ACAD9: variants seen among roughly 807,000 people sequenced by gnomAD.
ACAD9 encodes acyl-CoA dehydrogenase family member 9.
In ACAD9, 53 loss-of-function variants were observed where a neutral mutation model predicts 70.2. The observed-to-expected ratio is 0.75, with a 90% CI of 0.61 to 0.95. ACAD9 has a LOEUF of 0.95. Among genes scored for constraint, ACAD9 ranks in the 40% least tolerant of loss-of-function variants. The pLI, the probability that ACAD9 is intolerant of heterozygous loss-of-function variation, is 0.00. For synonymous variants in ACAD9, 313 were observed against 312.1 expected, an observed-to-expected ratio of 1.00 and a Z score of -0.03; for missense variants, 777 against 802.8, an observed-to-expected ratio of 0.97 and a Z score of 0.39.
chr3:128,909,273 A>G (rs965881373), intron 14 of ACAD9, 71 bp from the exon 15 acceptor site: 49 of 1,161,878 alleles, frequency 4.2e-5, no homozygotes, highest in Middle Eastern at 4.0e-4. Flanking sequence ...TCTGCCTGGT[A>G]CCCGGGCTGT....
At chr3:128,907,354 C>A (rs1935923984) in intron 12 of ACAD9, among the ~76,000 whole-genome samples, 2 of 152,180 alleles carry the variant, frequency 1.3e-5, no homozygotes, top group South Asian at 4.1e-4. Flanking sequence ...TGCAAAGGGT[C>A]TTCTCCAAAG....
At chr3:128,899,899 T>C (rs918857043) in intron 7 of ACAD9, among the ~76,000 whole-genome samples, 56 of 152,258 alleles carry the variant, frequency 3.7e-4, no homozygotes, top group African/African-American at 1.3e-3. Context: ...GAGCAGATCA[T>C]AAGCACCTAA....
intron 2 of ACAD9, among the ~76,000 whole-genome samples, chr3:128,890,890 G>A (rs1935401928): frequency 3.4e-5 from 5 of 147,698 alleles, no homozygotes; most frequent in Admixed American, 2.7e-4. Context: ...CACCCAGGCT[G>A]AAGTGCAGTG....
At chr3:128,911,045 GTGTATGTA>G (rs531719665) in intron 17 of ACAD9, among the ~76,000 whole-genome samples, 7 of 152,164 alleles carry the variant, frequency 4.6e-5, no homozygotes, top group African/African-American at 4.8e-5. Context: ...ATGTGTGTGT[GTGTATGTA>G]TGTATGTATG....
rs758199671 is a variant in ACAD9 at position 128,912,690 on chromosome 3, G to C, written c.*83G>C. Reference sequence around the variant, plus strand: ...GACTGTTACTCTTTTTTCAGAAGGTGTTGGGATTATCACAGGTTAAGCCTT... The same window carrying C: ...GACTGTTACTCTTTTTTCAGAAGGTCTTGGGATTATCACAGGTTAAGCCTT... On this transcript the variant is annotated 3_prime_UTR_variant, in exon 18 of 18. Transcript: ENST00000308982. 4 of 1,256,366 alleles carry C rather than the reference G, an allele frequency of 3.2e-6. No individual in the cohort carries two copies. The highest frequency in any genetic ancestry group is 4.7e-6 in the Non-Finnish European group (4 of 856,702). 77.8% of individuals were successfully genotyped at this position (1,256,366 alleles called of 1,614,324 possible).
At chr3:128,898,917 T>C (rs1168703705) in intron 6 of ACAD9, among the ~76,000 whole-genome samples, 1 of 152,244 alleles carries the variant, frequency 6.6e-6, no homozygotes, top group Non-Finnish European at 1.5e-5. Context: ...ATAAATGTTG[T>C]GTGTATTTAC....
At position 128,908,220 on chromosome 3, in the gene ACAD9, G is replaced by A; in HGVS notation, c.1314G>A (p.Leu438=). The A allele has an allele frequency of 1.2e-6, 2 of 1,614,170 alleles. No homozygotes were observed. The highest frequency in any genetic ancestry group is 1.7e-6 in the Non-Finnish European group (2 of 1,180,028). Residue 438 remains leucine, a synonymous_variant, in exon 13 of 18, where the codon CTG becomes CTA. Coordinates refer to ENST00000308982, the MANE Select transcript of ACAD9 (RefSeq NM_014049.5). ...AGATTCTCCGGATGTACATCGCCCT[G>A]ACGGGTCTGCAGCATGCCGGCCGCA... The part of the protein sequence containing the change: ...TNEILRMYIA[L]TGLQHAGRIL...
chr3:128,881,372 A>G (rs1227200887), intron 1 of ACAD9, among the ~76,000 whole-genome samples: 1 of 152,206 alleles, frequency 6.6e-6, no homozygotes, highest in Non-Finnish European at 1.5e-5. Flanking sequence ...TCCACTGGGA[A>G]AATCCATGCA....
chr3:128,884,334 C>A (rs1373659007), intron 1 of ACAD9, among the ~76,000 whole-genome samples: 3 of 152,082 alleles, frequency 2.0e-5, no homozygotes, highest in Non-Finnish European at 4.4e-5. Context: ...AGGACCAGAC[C>A]CCCAGGCTTC....
In ACAD9 at chr3:128,908,182, C is replaced by T. The variant is rs766939962; in HGVS notation, c.1279-3C>T. The T allele has an allele frequency of 1.2e-6, 2 of 1,614,104 alleles. No individual in the cohort carries two copies. The highest frequency in any genetic ancestry group is 1.7e-6 in the Non-Finnish European group (2 of 1,180,006). ...CCTTTGACCTCTACACTACTGACCACAGGGAACCAATGAGATTCTCCGGAT... is the reference window on the plus strand; with the variant it reads ...CCTTTGACCTCTACACTACTGACCATAGGGAACCAATGAGATTCTCCGGAT... On this transcript the variant is annotated splice_polypyrimidine_tract_variant and splice_region_variant and intron_variant, in intron 12 of 17. Coordinates refer to ENST00000308982, the MANE Select transcript of ACAD9 (RefSeq NM_014049.5).
chr3:128,894,567 CT>C (rs1366423640), intron 3 of ACAD9, among the ~76,000 whole-genome samples: 1 of 147,642 alleles, frequency 6.8e-6, no homozygotes, highest in Admixed American at 6.8e-5. Flanking sequence ...CAGGGTCTCA[CT>C]CTGTCATCCA....
chr3:128,909,454 C>T (rs370746076), intron 15 of ACAD9, 33 bp downstream of exon 15: 63 of 1,606,808 alleles, frequency 3.9e-5, no homozygotes, highest in South Asian at 8.8e-5. Flanking sequence ...GGGTCGCAAG[C>T]GGTCCTCCAA....
At chr3:128,907,798 C>T (rs1033334550) in intron 12 of ACAD9, among the ~76,000 whole-genome samples, 3 of 152,206 alleles carry the variant, frequency 2.0e-5, no homozygotes, top group African/African-American at 7.2e-5. Context: ...TTCTGGCTTC[C>T]GTGAGGAATC....
intron 1 of ACAD9, chr3:128,880,195 C>T: frequency 2.2e-6 from 1 of 450,054 alleles, no homozygotes. Context: ...ACAGCTTACA[C>T]CATGTCCCTC....
chr3:128,889,175 A>G (rs1361818996), intron 2 of ACAD9, among the ~76,000 whole-genome samples: 1 of 151,648 alleles, frequency 6.6e-6, no homozygotes, highest in Non-Finnish European at 1.5e-5. Flanking sequence ...TTAAAAAAAA[A>G]AAAACAAAAA....
intron 9 of ACAD9, among the ~76,000 whole-genome samples, chr3:128,903,708 T>C (rs1020979561): frequency 1.3e-5 from 2 of 152,192 alleles, no homozygotes; most frequent in African/African-American, 4.8e-5. Flanking sequence ...CCTGGCTTTG[T>C]GCGAGGCGCC....
chr3:128,884,978 C>G (rs1196286186), intron 2 of ACAD9, among the ~76,000 whole-genome samples: 2 of 152,064 alleles, frequency 1.3e-5, no homozygotes, highest in East Asian at 3.8e-4. Flanking sequence ...CCATACTGTT[C>G]CAGGTCAACA....
intron 17 of ACAD9, 52 bp from the exon 18 acceptor site, chr3:128,912,455 G>A (rs1385922360): frequency 1.9e-6 from 3 of 1,540,498 alleles, no homozygotes; most frequent in African/African-American, 2.7e-5. Flanking sequence ...AGCCATGTTT[G>A]TCTTATCACG....
intron 7 of ACAD9, 62 bp downstream of exon 7, chr3:128,899,523 G>GGGGTGTGTGT (rs762953417): frequency 1.1e-4 from 120 of 1,068,712 alleles, no homozygotes; most frequent in Non-Finnish European, 1.4e-4. Flanking sequence ...GGCCTTTGAC[G>GGGGTGTGTGT]GTGTGTGTGT....
Sources: gnomAD v4.1 joint callset for allele counts (sites outside exome capture counted in the v4.1 genomes callset) on GRCh38, gnomAD v4.1.1 for gene constraint, MANE v1.5 for transcripts, NCBI Gene and HGNC (gene_info 2026-07-23, HGNC 2026-07-21) for gene names.